Variants in ZFAND2A observed in about 807,000 individuals in gnomAD.
ZFAND2A encodes AN1-type zinc finger protein 2A.
A neutral mutation model predicts 11.6 loss-of-function variants in ZFAND2A; 20 were observed. The observed-to-expected ratio is 1.72, with a 90% confidence interval of 1.21 to 2.50. The LOEUF is 2.50. Ranked by LOEUF, ZFAND2A falls within the 30% of genes most tolerant of loss-of-function variation. The pLI is 0.00. For synonymous variants in ZFAND2A, 93 were observed against 60.6 expected (o/e 1.54, Z -2.48); for missense variants, 234 against 182.9 (o/e 1.28, Z -1.61).
chr7:1,159,467 A>G (rs1349115041), intron 1 of ZFAND2A, among the ~76,000 whole-genome samples: 7 of 146,262 alleles, frequency 4.8e-5, no homozygotes, highest in African/African-American at 7.6e-5. Context: ...CCCAGCAGAC[A>G]GGCCGGACCC....
At chr7:1,154,823 T>C (rs1180019022) in intron 4 of ZFAND2A, among the ~76,000 whole-genome samples, 2 of 152,182 alleles carry the variant, frequency 1.3e-5, no homozygotes, top group Non-Finnish European at 2.9e-5. Context: ...GCCAGTTCAC[T>C]AGAGAAGCTC....
chr7:1,154,697 C>T (rs76926989), intron 4 of ZFAND2A, among the ~76,000 whole-genome samples: 1 of 152,098 alleles, frequency 6.6e-6, no homozygotes, highest in Non-Finnish European at 1.5e-5. Context: ...ATGTTTGAGA[C>T]CAAAAGTTAT....
At chr7:1,152,824 T>C (rs1190913710), downstream of ZFAND2A, 12 of 641,580 alleles carry the variant, frequency 1.9e-5, no homozygotes, top group East Asian at 3.7e-4. Flanking sequence ...CCCAGAACTG[T>C]GAAAGAACCG....
downstream of ZFAND2A, among the ~76,000 whole-genome samples, chr7:1,150,455 C>T (rs1317639073): frequency 6.6e-6 from 1 of 152,178 alleles, no homozygotes. Flanking sequence ...TATTCCCTGA[C>T]ACCCCCTAAG....
rs1213467026 is a variant in ZFAND2A at position 1,153,037 on chromosome 7, C to T, written c.*32G>A. 2.0e-5 allele frequency: 33 copies of T among 1,613,586 alleles called. No homozygotes were observed. Among genetic ancestry groups the T allele is most frequent in the Non-Finnish European group, 2.4e-5 (28 of 1,179,812 alleles). On this transcript the variant is annotated 3_prime_UTR_variant, in exon 5 of 5. Transcript: ENST00000316495. ...TAAGCTGCTTCCACGCATGCTACTG[C>T]GTGCTCCGAGCCATCGCAGCGGAGT...
At chr7:1,152,307 C>A, downstream of ZFAND2A, 1 of 1,583,474 alleles carries the variant, frequency 6.3e-7, no homozygotes, top group East Asian at 2.3e-5. Context: ...AGGAAATCTC[C>A]CAACGGCCTG....
At chr7:1,156,598 G>A (rs1369223255) in intron 3 of ZFAND2A, among the ~76,000 whole-genome samples, 1 of 151,932 alleles carries the variant, frequency 6.6e-6, no homozygotes, top group Non-Finnish European at 1.5e-5. Context: ...CGAAGGGGTG[G>A]ACCGCCCAGC....
At position 1,152,993 on chromosome 7, in the gene ZFAND2A, T is replaced by TCC. The variant is rs774842690; in HGVS notation, c.*74_*75dup. ...AGTGTGGGATGGTGCTCAATGGGGC[T>TCC]CCACTTCCCACTAGAGTGTAAGCTG... On this transcript the variant is annotated 3_prime_UTR_variant, in exon 5 of 5. Coordinates refer to ENST00000316495, the MANE Select transcript of ZFAND2A (RefSeq NM_182491.4). The TCC allele has an allele frequency of 3.8e-6, 6 of 1,580,624 alleles. No homozygotes were observed. The Admixed American group carries it at 1.1e-4, about 28-fold the overall frequency.
rs1423377386 is a variant in ZFAND2A, at chr7:1,155,593, AAC to A, written c.151-11_151-10del. The A allele has an allele frequency of 1.6e-5, 26 of 1,611,632 alleles. No homozygotes were observed. The highest frequency in any genetic ancestry group is 2.2e-5 in the Non-Finnish European group (26 of 1,178,798). On this transcript the variant is annotated splice_polypyrimidine_tract_variant and intron_variant, in intron 3 of 4. Transcript: ENST00000316495. ...ACTGGGACGTGAACATCCTAAAAAT[AAC>A]AAAGGTAAGATGGCATCTGAGACTC...
chr7:1,158,279 T>A, intron 1 of ZFAND2A, 22 bp from the exon 2 acceptor site: 4 of 1,490,510 alleles, frequency 2.7e-6, no homozygotes, highest in Non-Finnish European at 3.7e-6. Context: ...TCAGAATAGT[T>A]AGGAGGAAAG....
intron 2 of ZFAND2A, 82 bp from the exon 3 acceptor site, chr7:1,157,832 C>G (rs1211904148): frequency 1.8e-6 from 2 of 1,138,846 alleles, no homozygotes; most frequent in Non-Finnish European, 2.5e-6. Flanking sequence ...TTTACCTACA[C>G]TAAGTGTTTT....
intron 1 of ZFAND2A, 33 bp downstream of exon 1, chr7:1,159,931 G>A (rs570823513): frequency 2.4e-5 from 4 of 167,506 alleles, no homozygotes; most frequent in South Asian, 9.7e-5. Context: ...CCGACCCCCG[G>A]CAGACCCTGT....
intron 3 of ZFAND2A, 47 bp downstream of exon 3, chr7:1,157,609 G>C (rs758406336): frequency 2.0e-6 from 3 of 1,533,264 alleles, no homozygotes; most frequent in East Asian, 2.3e-5. Context: ...AGACAGTGCA[G>C]CTTCAGACGG....
At chr7:1,154,129 G>C (rs1240949312) in intron 4 of ZFAND2A, among the ~76,000 whole-genome samples, 4 of 151,890 alleles carry the variant, frequency 2.6e-5, no homozygotes, top group Non-Finnish European at 5.9e-5. Flanking sequence ...CCCTGGGACA[G>C]TGGAGGTTGT....
In ZFAND2A at chr7:1,158,246, G is replaced by C. The variant is rs568601946; in HGVS notation, c.-34C>G. The C allele has an allele frequency of 6.2e-7, 1 of 1,603,544 alleles. No individual in the cohort carries two copies. Among genetic ancestry groups the C allele is most frequent in the African/African-American group, 1.3e-5 (1 of 74,840 alleles). ...CAGTGCTCAAAACGCAGATGGCGGA[G>C]TTAAGTGTCACCTACAAGAGAATCA... On this transcript the variant is annotated 5_prime_UTR_variant, in exon 2 of 5. Transcript: ENST00000316495.
At chr7:1,152,420 G>T, downstream of ZFAND2A, 1 of 1,445,588 alleles carries the variant, frequency 6.9e-7, no homozygotes. Flanking sequence ...CTGCAGGTAA[G>T]CAACTACCAC....
At position 1,157,740 on chromosome 7, in the gene ZFAND2A, T is replaced by C; in HGVS notation, c.66A>G (p.Pro22=). The part of the protein sequence containing the change: ...EKTCKQLDFL[P]VKCDACKQDF... The stretch of plus-strand genomic sequence containing the variant: ...CTTGTTTACATGCATCACATTTTAC[T>C]GGAAGAAAATCTAAAAAACAAAAAA... Residue 22 remains proline (P), a synonymous_variant, in exon 3 of 5, where the codon CCA becomes CCG. Transcript: ENST00000316495. The C allele has an allele frequency of 3.2e-6, 5 of 1,553,726 alleles. No homozygotes were observed. The highest frequency in any genetic ancestry group is 4.3e-6 in the Non-Finnish European group (5 of 1,154,212).
At chr7:1,158,323 G>A (rs553762855) in intron 1 of ZFAND2A, 66 bp from the exon 2 acceptor site, 32 of 972,490 alleles carry the variant, frequency 3.3e-5, no homozygotes, top group African/African-American at 3.1e-4. Flanking sequence ...GATTTACAAT[G>A]TAATTACAGC....
downstream of ZFAND2A, chr7:1,152,058 C>A (rs899341516): frequency 3.3e-6 from 2 of 599,070 alleles, no homozygotes; most frequent in Non-Finnish European, 5.2e-6. Context: ...CTGCTGCTGC[C>A]GAAAGGTTGT....
Sources: allele counts gnomAD v4.1 joint callset (sites outside exome capture counted in the v4.1 genomes callset), GRCh38; gene constraint gnomAD v4.1.1; transcripts MANE v1.5; gene names NCBI Gene and HGNC (gene_info 2026-07-23, HGNC 2026-07-21).